Variants in MORF4L1 observed in about 807,000 individuals in gnomAD.
MORF4L1 encodes mortality factor 4-like protein 1.
Under a neutral mutation model 52.9 loss-of-function variants are expected in MORF4L1, and 4 were observed. The observed-to-expected ratio is 0.08, with a 90% confidence interval of 0.04 to 0.17. MORF4L1 has a LOEUF of 0.17. Among genes scored for constraint, MORF4L1 ranks in the 10% least tolerant of loss-of-function variants. MORF4L1 has a pLI of 1.00. For synonymous variants in MORF4L1, 123 were observed against 134.8 expected (o/e 0.91, Z 0.61); for missense variants, 214 against 390.4 (o/e 0.55, Z 3.81).
chr15:78,874,505 G>T (rs1273350294), intron 1 of MORF4L1, among the ~76,000 whole-genome samples: 3 of 151,944 alleles, frequency 2.0e-5, no homozygotes, highest in African/African-American at 7.2e-5. Flanking sequence ...TCACAGACGC[G>T]CGCCATCACG....
At chr15:78,877,279 C>G (rs1303485811) in intron 1 of MORF4L1, among the ~76,000 whole-genome samples, 2 of 152,184 alleles carry the variant, frequency 1.3e-5, no homozygotes, top group African/African-American at 2.4e-5. Flanking sequence ...CACCACCATG[C>G]CTGGCTGATT....
intron 7 of MORF4L1, 133 bp downstream of exon 7, chr15:78,891,705 T>G: frequency 1.5e-6 from 1 of 676,148 alleles, no homozygotes; most frequent in Non-Finnish European, 2.5e-6. Context: ...ATTTTCTCTT[T>G]TGGGGGTAAA....
intron 5 of MORF4L1, 98 bp from the exon 6 acceptor site, chr15:78,890,891 G>A: frequency 8.6e-7 from 1 of 1,157,034 alleles, no homozygotes; most frequent in Non-Finnish European, 1.1e-6. Flanking sequence ...CTTTATCCAA[G>A]TTAGTATTTC....
intron 2 of MORF4L1, among the ~76,000 whole-genome samples, chr15:78,878,631 G>T (rs958835021): frequency 6.6e-6 from 1 of 152,110 alleles, no homozygotes; most frequent in Non-Finnish European, 1.5e-5. Flanking sequence ...ATTATATTAG[G>T]TTAAAGGTAA....
At chr15:78,875,342 G>C (rs1353126100) in intron 1 of MORF4L1, among the ~76,000 whole-genome samples, 1 of 152,230 alleles carries the variant, frequency 6.6e-6, no homozygotes, top group East Asian at 1.9e-4. Context: ...TGGGGTAATT[G>C]GAGAAGAGTA....
intron 9 of MORF4L1, 62 bp downstream of exon 9, chr15:78,893,689 C>A: frequency 8.9e-7 from 1 of 1,122,408 alleles, no homozygotes; most frequent in Non-Finnish European, 1.3e-6. Context: ...CTAAATAAGT[C>A]ATCTGAAACT....
chr15:78,888,654 A>G (rs1178319281), intron 5 of MORF4L1, among the ~76,000 whole-genome samples: 6 of 152,076 alleles, frequency 3.9e-5, no homozygotes, highest in Non-Finnish European at 8.8e-5. Context: ...GGTGGGAGGG[A>G]TTGCTTGAGG....
intron 2 of MORF4L1, among the ~76,000 whole-genome samples, chr15:78,879,116 G>T (rs1030597110): frequency 6.6e-6 from 1 of 152,066 alleles, no homozygotes; most frequent in Admixed American, 6.5e-5. Context: ...CATGCATGTA[G>T]TTTCAGCTAC....
chr15:78,893,665 A>G lies in MORF4L1; in HGVS notation c.629+38A>G, dbSNP rs56816206. The G allele has an allele frequency of 0.012, 16,065 of 1,396,708 alleles. 1,333 individuals carry two copies. The African/African-American group carries it at 0.19, about 16-fold the overall frequency. The allele number at this position is 1,396,708 out of a possible 1,614,324, so 86.5% of individuals were successfully genotyped here. A position where few individuals can be genotyped will look rare whatever the true frequency, so the allele number is the denominator to read the frequency against. On this transcript the variant is annotated intron_variant, in intron 9 of 11. Transcript: ENST00000426013. ...ATTTTTCAGATGACACTCAAAAGAC[A>G]TTTAAAAAAGTTTCTAAATAAGTCA...
intron 1 of MORF4L1, among the ~76,000 whole-genome samples, chr15:78,873,424 G>GA (rs2056409763): frequency 6.6e-6 from 1 of 151,916 alleles, no homozygotes; most frequent in African/African-American, 2.4e-5. Flanking sequence ...GGCGGGGGGG[G>GA]AGGGGCGGTG....
intron 10 of MORF4L1, 49 bp from the exon 11 acceptor site, chr15:78,894,771 G>A (rs779347465): frequency 1.5e-6 from 2 of 1,349,930 alleles, no homozygotes. Context: ...CATGGTTGTA[G>A]TGCCCCTGCC....
intron 1 of MORF4L1, 156 bp downstream of exon 1, chr15:78,873,213 A>G (rs1410355393): frequency 3.3e-6 from 5 of 1,514,300 alleles, no homozygotes; most frequent in Non-Finnish European, 2.6e-6. Context: ...GCGGATGGCA[A>G]TTCCGGTGCG....
In MORF4L1 at chr15:78,872,921, C is replaced by T; in HGVS notation, c.-97C>T. On this transcript the variant is annotated 5_prime_UTR_variant, in exon 1 of 12. Transcript: ENST00000426013. Reference sequence around the variant, plus strand: ...GGCCCAGGATGTAGAGCTGGCAGTGCCTGACGGCGCGTCTGACGCGGAGTT... The same window carrying T: ...GGCCCAGGATGTAGAGCTGGCAGTGTCTGACGGCGCGTCTGACGCGGAGTT... The T allele has an allele frequency of 2.0e-6, 3 of 1,506,610 alleles. No homozygotes were observed. The highest frequency in any genetic ancestry group is 1.4e-5 in the African/African-American group (1 of 70,470). The allele number at this position is 1,506,610 out of a possible 1,614,324, so 93.3% of individuals were successfully genotyped here.
intron 1 of MORF4L1, 25 bp downstream of exon 1, chr15:78,873,082 G>T: frequency 6.4e-7 from 1 of 1,550,640 alleles, no homozygotes; most frequent in Non-Finnish European, 8.7e-7. Context: ...TTGGGAAAAA[G>T]GCACCTAACG....
intron 2 of MORF4L1, among the ~76,000 whole-genome samples, chr15:78,879,773 CAAAAAA>C (rs10664763): frequency 8.0e-6 from 1 of 124,642 alleles, no homozygotes; most frequent in Non-Finnish European, 1.8e-5. Context: ...CTGTCTCTAC[CAAAAAA>C]AAAAAAAAAA....
At chr15:78,881,410 T>C (rs1311509818) in intron 3 of MORF4L1, among the ~76,000 whole-genome samples, 1 of 151,968 alleles carries the variant, frequency 6.6e-6, no homozygotes, top group African/African-American at 2.4e-5. Flanking sequence ...TTGGCCAGGC[T>C]GTCTTGAACT....
intron 3 of MORF4L1, among the ~76,000 whole-genome samples, chr15:78,882,229 T>A (rs910148818): frequency 2.0e-5 from 3 of 152,172 alleles, no homozygotes; most frequent in Non-Finnish European, 2.9e-5. Context: ...GGCAGGAGGA[T>A]TACTTGAGCC....
At chr15:78,895,261 TC>T (rs1392453932) in intron 11 of MORF4L1, among the ~76,000 whole-genome samples, 1 of 152,144 alleles carries the variant, frequency 6.6e-6, no homozygotes, top group Admixed American at 6.6e-5. Flanking sequence ...TTTTCATAGT[TC>T]TATAGTGTTC....
At chr15:78,881,458 A>C (rs568307762) in intron 3 of MORF4L1, among the ~76,000 whole-genome samples, 101 of 151,266 alleles carry the variant, frequency 6.7e-4, no homozygotes, top group East Asian at 5.8e-4. Flanking sequence ...GGCCTCCCAA[A>C]GTGCTGGGAT....
Sources: gnomAD v4.1 joint callset for allele counts (sites outside exome capture counted in the v4.1 genomes callset) on GRCh38, gnomAD v4.1.1 for gene constraint, MANE v1.5 for transcripts, NCBI Gene and HGNC (gene_info 2026-07-23, HGNC 2026-07-21) for gene names.